Variants in MAGEC3 observed in about 807,000 individuals in gnomAD.
MAGEC3 encodes the protein melanoma-associated antigen C3.
Under a neutral mutation model 35.3 loss-of-function variants are expected in MAGEC3, and 34 were observed. The ratio of observed to expected loss-of-function variants is 0.96; its 90% CI spans 0.73 to 1.28. The LOEUF is 1.28. Among genes scored for constraint, MAGEC3 ranks in the 50% most tolerant of loss-of-function variants. The probability of loss-of-function intolerance (pLI) is 0.00; values close to 1 mark genes in which losing one functional copy is unlikely to be tolerated. For synonymous variants in MAGEC3, 202 were observed against 185.6 expected (o/e 1.09, Z -0.72); for missense variants, 561 against 483.6 (o/e 1.16, Z -1.50).
Position 141,897,181 on chromosome X carries a change from G to C in MAGEC3, c.1423G>C (p.Glu475Gln), listed in dbSNP as rs1444685368. 1 of 1,212,017 alleles carries C rather than the reference G, an allele frequency of 8.3e-7. No individual in the cohort carries two copies. Among genetic ancestry groups the C allele is most frequent in the Non-Finnish European group, 1.1e-6 (1 of 895,602 alleles). Residue 475 changes from glutamate (E) to glutamine (Q), a missense_variant, in exon 7 of 8, where the codon GAG becomes CAG. Glu to Gln is a conservative substitution (Grantham distance 29, BLOSUM62 2). Transcript: ENST00000298296. Reference sequence around the variant, plus strand: ...TCTTCTCCTCAAATATCAAACAAAAGAGCCTGTCACAAAGGCAGAGATGCT... The same window carrying C: ...TCTTCTCCTCAAATATCAAACAAAACAGCCTGTCACAAAGGCAGAGATGCT... The part of the protein sequence containing the change: ...QFLLLKYQTK[E>Q]PVTKAEMLTT...
intron 1 of MAGEC3, chrX:141,838,943 G>T (rs1260010782): frequency 1.6e-6 from 1 of 627,776 alleles, no homozygotes. Context: ...TGTTGTAGCT[G>T]CTTAAGTCTC....
chrX:141,859,798 G>T (rs191679288), intron 1 of MAGEC3, among the ~76,000 whole-genome samples: 3 of 111,460 alleles, frequency 2.7e-5, no homozygotes, highest in African/African-American at 9.8e-5. Context: ...ACCCAGAGCT[G>T]TCAACAAAAA....
intron 3 of MAGEC3, among the ~76,000 whole-genome samples, chrX:141,880,374 T>G (rs182240206): frequency 9.3e-6 from 1 of 107,028 alleles, no homozygotes; most frequent in East Asian, 2.9e-4. Context: ...AGGATGCTAA[T>G]TAAATTCTGA....
chrX:141,872,894 G>A (rs772157561), intron 2 of MAGEC3, among the ~76,000 whole-genome samples: 2 of 111,819 alleles, frequency 1.8e-5, no homozygotes, highest in Non-Finnish European at 3.8e-5. Flanking sequence ...AGAAAAGATG[G>A]GGTGGGTGGC....
chrX:141,875,606 A>T (rs753508379), intron 2 of MAGEC3, among the ~76,000 whole-genome samples: 8 of 111,827 alleles, frequency 7.2e-5, no homozygotes, highest in Non-Finnish European at 1.5e-4. Flanking sequence ...GACACTCCCC[A>T]TTGATTGAAT....
At chrX:141,881,165 C>G (rs1198469006) in intron 3 of MAGEC3, among the ~76,000 whole-genome samples, 1 of 110,883 alleles carries the variant, frequency 9.0e-6, no homozygotes, top group Non-Finnish European at 1.9e-5. Context: ...TCCTTCTCCT[C>G]CTCTTTCTCC....
At position 141,896,649 on chromosome X, in the gene MAGEC3, C is replaced by A. The variant is rs748738833; in HGVS notation, c.1124-233C>A. Reference sequence around the variant, plus strand: ...TTACCTGCTGCTCCTGAACAACAGGCCTCATGCCTCTCTTTCCAAACCTTC... The same window carrying A: ...TTACCTGCTGCTCCTGAACAACAGGACTCATGCCTCTCTTTCCAAACCTTC... On this transcript the variant is annotated intron_variant, in intron 6 of 7. Transcript: ENST00000298296. 5.1e-5 allele frequency: 62 copies of A among 1,205,032 alleles called. No individual in the cohort carries two copies. In the Middle Eastern group the frequency reaches 1.2e-3, roughly 22 times the overall value.
chrX:141,871,872 CA>C (rs1358161006), intron 2 of MAGEC3, among the ~76,000 whole-genome samples: 36 of 102,444 alleles, frequency 3.5e-4, no homozygotes, highest in African/African-American at 1.2e-3. Flanking sequence ...GTAGGAGGGG[CA>C]AGGTTAGGGG....
intron 1 of MAGEC3, among the ~76,000 whole-genome samples, chrX:141,859,934 C>T (rs757581730): frequency 3.3e-4 from 37 of 112,136 alleles, no homozygotes; most frequent in African/African-American, 1.1e-3. Context: ...AAAGACAAAG[C>T]TCAATAACCT....
chrX:141,873,815 C>G (rs1046829598), intron 2 of MAGEC3, among the ~76,000 whole-genome samples: 2 of 111,754 alleles, frequency 1.8e-5, no homozygotes, highest in Non-Finnish European at 3.8e-5. Flanking sequence ...AAATCCCAGT[C>G]AAAATCCTAG....
chrX:141,891,665 G>GTA (rs1234948823), intron 4 of MAGEC3, among the ~76,000 whole-genome samples: 2 of 101,593 alleles, frequency 2.0e-5, no homozygotes. Context: ...ATGTGTGTGT[G>GTA]TATATATATA....
chrX:141,888,243 C>T (rs935948271), intron 4 of MAGEC3, among the ~76,000 whole-genome samples: 9 of 111,968 alleles, frequency 8.0e-5, no homozygotes, highest in Non-Finnish European at 1.7e-4. Context: ...ATGCAGGCAC[C>T]ATCCAAAAGT....
intron 1 of MAGEC3, among the ~76,000 whole-genome samples, chrX:141,846,469 G>C (rs12560038): frequency 0.062 from 6,800 of 109,276 alleles, 231 homozygotes; most frequent in Non-Finnish European, 0.094. Flanking sequence ...CCTCCTTAAG[G>C]GATCCTAACA....
chrX:141,851,597 T>C (rs868023517), intron 1 of MAGEC3, among the ~76,000 whole-genome samples: 1 of 110,909 alleles, frequency 9.0e-6, no homozygotes, highest in East Asian at 2.8e-4. Context: ...TTCGAGAACA[T>C]TTTAATAACC....
At chrX:141,892,340 A>AT (rs2018048770) in intron 4 of MAGEC3, among the ~76,000 whole-genome samples, 1 of 111,904 alleles carries the variant, frequency 8.9e-6, no homozygotes, top group African/African-American at 3.2e-5. Flanking sequence ...AATTGAACAA[A>AT]TCTTCTGACA....
At chrX:141,883,268 G>C (rs946517721) in intron 4 of MAGEC3, among the ~76,000 whole-genome samples, 1 of 112,316 alleles carries the variant, frequency 8.9e-6, no homozygotes. Flanking sequence ...CCATTCCATT[G>C]AAAGGTCATT....
intron 1 of MAGEC3, among the ~76,000 whole-genome samples, chrX:141,855,943 T>G (rs968090061): frequency 4.9e-4 from 55 of 111,614 alleles, no homozygotes; most frequent in African/African-American, 1.7e-3. Flanking sequence ...AGAACATCAA[T>G]GGATGGCTTT....
chrX:141,851,232 C>T (rs1287855165), intron 1 of MAGEC3, among the ~76,000 whole-genome samples: 1 of 110,589 alleles, frequency 9.0e-6, no homozygotes, highest in African/African-American at 3.3e-5. Context: ...CTCAGTCTGT[C>T]CAGATCACTG....
intron 1 of MAGEC3, among the ~76,000 whole-genome samples, chrX:141,843,875 T>C (rs1055344263): frequency 2.7e-5 from 3 of 110,731 alleles, no homozygotes; most frequent in Non-Finnish European, 5.7e-5. Flanking sequence ...AATATAATAT[T>C]ACCATTAAAT....
Sources: allele counts gnomAD v4.1 joint callset (sites outside exome capture counted in the v4.1 genomes callset), GRCh38; gene constraint gnomAD v4.1.1; transcripts MANE v1.5; gene names NCBI Gene and HGNC (gene_info 2026-07-23, HGNC 2026-07-21).